Variants in TENM2 observed in about 807,000 individuals in gnomAD.
TENM2 encodes teneurin-2.
Under a neutral mutation model 245.2 loss-of-function variants are expected in TENM2, and 52 were observed. The observed-to-expected ratio is 0.21, with a 90% confidence interval of 0.17 to 0.27. The LOEUF is 0.27. TENM2 is among the 10% of genes least tolerant of loss of function. The pLI is 1.00. For missense variants in TENM2, 3,046 were observed against 3,666.8 expected, an observed-to-expected ratio of 0.83 and a Z score of 4.37; for synonymous variants, 1,363 against 1,438.9, an observed-to-expected ratio of 0.95 and a Z score of 1.19.
At chr5:168,009,466 G>C (rs1785063511) in intron 5 of TENM2, among the ~76,000 whole-genome samples, 1 of 152,194 alleles carries the variant, frequency 6.6e-6, no homozygotes, top group Non-Finnish European at 1.5e-5. Flanking sequence ...GGATTGGGCA[G>C]AGAGGGCTAG....
the TENM2 span, among the ~76,000 whole-genome samples, chr5:167,046,272 C>A: frequency 6.6e-6 from 1 of 151,748 alleles, no homozygotes; most frequent in African/African-American, 2.4e-5. Flanking sequence ...TTTTTTCCCC[C>A]AAATATTTCG....
intron 2 of TENM2, among the ~76,000 whole-genome samples, chr5:167,477,279 A>T (rs1767449085): frequency 6.6e-6 from 1 of 151,952 alleles, no homozygotes; most frequent in East Asian, 1.9e-4. Flanking sequence ...AAAAAAAAAA[A>T]AAATACCATG....
chr5:167,583,512 C>CACACACA (rs1561573949), intron 2 of TENM2, among the ~76,000 whole-genome samples: 2 of 71,852 alleles, frequency 2.8e-5, no homozygotes, highest in South Asian at 4.5e-4. Context: ...ACACACACAC[C>CACACACA]CCAAACCTAT....
the TENM2 span, among the ~76,000 whole-genome samples, chr5:167,055,326 C>G: frequency 6.6e-5 from 10 of 152,036 alleles, no homozygotes; most frequent in African/African-American, 1.9e-4. Flanking sequence ...TGCTTTTGCT[C>G]TTTTGTCAAA....
At chr5:167,339,529 A>G (rs1240640857) in intron 1 of TENM2, among the ~76,000 whole-genome samples, 1 of 151,754 alleles carries the variant, frequency 6.6e-6, no homozygotes, top group African/African-American at 2.4e-5. Context: ...TTTTTTTTCA[A>G]TATGCATGAT....
intron 3 of TENM2, among the ~76,000 whole-genome samples, chr5:167,876,754 C>A (rs549136731): frequency 3.4e-4 from 51 of 152,188 alleles, no homozygotes; most frequent in African/African-American, 1.2e-3. Flanking sequence ...CTCCTGTAAC[C>A]CTTTGCTTGT....
chr5:168,244,811 C>T lies in TENM2; in HGVS notation c.5817+95C>T. 1.8e-6 allele frequency: 2 copies of T among 1,121,412 alleles called. No individual in the cohort carries two copies. The highest frequency in any genetic ancestry group is 3.0e-5 in the East Asian group (1 of 32,870). The allele number at this position is 1,121,412 out of a possible 1,614,324, so 69.5% of individuals were successfully genotyped here. On this transcript the variant is annotated intron_variant, in intron 26 of 28. Transcript: ENST00000518659. This position sits in a 1 kb window ranked among gnomAD's most constrained non-coding sequence, Gnocchi z 4.9. ...TTGAGACAGAGACTTGCTCTGTTGC[C>T]CAGGCTGGAGTGCAGTGGCATGATC...
chr5:167,831,213 A>T (rs1768448522), intron 2 of TENM2, among the ~76,000 whole-genome samples: 1 of 152,128 alleles, frequency 6.6e-6, no homozygotes, highest in Non-Finnish European at 1.5e-5. Flanking sequence ...AATTGTATAC[A>T]TTCTTGTGGA....
intron 2 of TENM2, among the ~76,000 whole-genome samples, chr5:167,567,446 A>G (rs925879023): frequency 6.6e-6 from 1 of 152,126 alleles, no homozygotes; most frequent in African/African-American, 2.4e-5. Context: ...TAGAAGAGAG[A>G]GATTGTATAA....
chr5:167,975,112 C>T (rs566308431), intron 4 of TENM2, among the ~76,000 whole-genome samples: 20 of 152,362 alleles, frequency 1.3e-4, no homozygotes, highest in South Asian at 1.2e-3. Context: ...TAACATGCCA[C>T]CTCCCTGTCA....
chr5:168,015,314 C>T (rs551076284), intron 5 of TENM2, among the ~76,000 whole-genome samples: 1 of 152,302 alleles, frequency 6.6e-6, no homozygotes, highest in African/African-American at 2.4e-5. Flanking sequence ...GCATTATTAG[C>T]TGCATTTTAC....
chr5:168,178,185 C>A (rs2152484583), intron 13 of TENM2, among the ~76,000 whole-genome samples: 1 of 152,306 alleles, frequency 6.6e-6, no homozygotes, highest in African/African-American at 2.4e-5. Flanking sequence ...GTGGTGACAG[C>A]CCCTTTTCTT....
chr5:167,361,744 T>C (rs1278822096), intron 1 of TENM2, among the ~76,000 whole-genome samples: 1 of 152,244 alleles, frequency 6.6e-6, no homozygotes, highest in Admixed American at 6.5e-5. Context: ...TGCCTCTGGA[T>C]ATGCTGAAAT....
chr5:167,422,453 ATAT>A (rs1291997244), intron 2 of TENM2, among the ~76,000 whole-genome samples: 1 of 152,226 alleles, frequency 6.6e-6, no homozygotes, highest in Non-Finnish European at 1.5e-5. Context: ...GTGAAAAGAT[ATAT>A]ACCTAACATT....
chr5:167,122,399 T>C, the TENM2 span, among the ~76,000 whole-genome samples: 1 of 152,178 alleles, frequency 6.6e-6, no homozygotes, highest in Non-Finnish European at 1.5e-5. Context: ...TTTGCATATA[T>C]TCCATTAACT....
intron 3 of TENM2, among the ~76,000 whole-genome samples, chr5:167,938,347 G>A (rs1176693329): frequency 6.6e-6 from 1 of 152,230 alleles, no homozygotes; most frequent in Non-Finnish European, 1.5e-5. Context: ...AGGCGTTGAT[G>A]TAGAGTTTAA....
At chr5:167,558,154 T>C (rs1054034005) in intron 2 of TENM2, among the ~76,000 whole-genome samples, 2 of 152,190 alleles carry the variant, frequency 1.3e-5, no homozygotes, top group African/African-American at 4.8e-5. Context: ...GGCATCAGGA[T>C]GCTAGAAGCT....
At chr5:167,590,024 T>A (rs576134195) in intron 2 of TENM2, among the ~76,000 whole-genome samples, 3 of 151,954 alleles carry the variant, frequency 2.0e-5, no homozygotes, top group Admixed American at 2.0e-4. Flanking sequence ...TAGTAATTAC[T>A]TTGTTTGATT....
chr5:167,243,862 C>T, the TENM2 span, among the ~76,000 whole-genome samples: 2 of 152,164 alleles, frequency 1.3e-5, no homozygotes, highest in African/African-American at 4.8e-5. Context: ...CTCCTTCATT[C>T]TGTGTCTAGG....
Sources: gnomAD v4.1 joint callset for allele counts (sites outside exome capture counted in the v4.1 genomes callset) on GRCh38, gnomAD v4.1.1 for gene constraint, Gnocchi (gnomAD v3.1) non-coding constraint, MANE v1.5 for transcripts, NCBI Gene and HGNC (gene_info 2026-07-23, HGNC 2026-07-21) for gene names.